KCTD20: variants seen among roughly 807,000 people sequenced by gnomAD.
KCTD20 encodes potassium channel tetramerization domain containing 20, also known as BTB/POZ domain-containing protein KCTD20.
In KCTD20, 30 loss-of-function variants were observed where a neutral mutation model predicts 39.6. The observed-to-expected ratio is 0.76, with a 90% CI of 0.57 to 1.03. The LOEUF (loss-of-function observed/expected upper bound fraction) is 1.03. Among genes scored for constraint, KCTD20 ranks in the 50% least tolerant of loss-of-function variants. KCTD20 has a pLI of 0.00. For synonymous variants in KCTD20, 162 were observed against 180.6 expected, an observed-to-expected ratio of 0.90 and a Z score of 0.83; for missense variants, 422 against 522.0, an observed-to-expected ratio of 0.81 and a Z score of 1.87.
rs980220873 is a variant in KCTD20 at position 36,487,918 on chromosome 6, G to A, written c.*743G>A. 1 of 152,166 alleles carries A rather than the reference G, an allele frequency of 6.6e-6. No homozygotes were observed. Among genetic ancestry groups the A allele is most frequent in the African/African-American group, 2.4e-5 (1 of 41,426 alleles). 9.4% of individuals were successfully genotyped at this position (152,166 alleles called of 1,614,324 possible). A position where few individuals can be genotyped will look rare whatever the true frequency, so the allele number is the denominator to read the frequency against. ...AATGAAACTCACAATGCAAGTAGAA[G>A]GACCTCTCCAAATCAGGCCAGTTGG... On this transcript the variant is annotated 3_prime_UTR_variant, in exon 8 of 8. Coordinates refer to ENST00000373731, the MANE Select transcript of KCTD20 (RefSeq NM_173562.5).
intron 1 of KCTD20, among the ~76,000 whole-genome samples, chr6:36,448,013 G>GTATATATATATATATATATATATATA (rs10645937): frequency 1.7e-4 from 22 of 128,934 alleles, no homozygotes; most frequent in African/African-American, 4.2e-4. Flanking sequence ...GTATGTGTGT[G>GTATATATATATATATATATATATATA]TGTATATATA....
chr6:36,483,263 CTTTTTTTTTT>C (rs766717414), intron 6 of KCTD20, among the ~76,000 whole-genome samples: 16 of 76,734 alleles, frequency 2.1e-4, no homozygotes, highest in Admixed American at 2.9e-4. Flanking sequence ...GTGGCTTTTT[CTTTTTTTTTT>C]TTTTTTTTTT....
intron 1 of KCTD20, among the ~76,000 whole-genome samples, chr6:36,446,207 T>C (rs1274587908): frequency 6.6e-6 from 1 of 151,944 alleles, no homozygotes; most frequent in Non-Finnish European, 1.5e-5. Flanking sequence ...TTTGTATTTT[T>C]AGTTGGGACG....
intron 1 of KCTD20, among the ~76,000 whole-genome samples, chr6:36,460,324 T>G (rs532522333): frequency 1.6e-5 from 2 of 124,872 alleles, no homozygotes; most frequent in Non-Finnish European, 3.3e-5. Context: ...TCTTTTTTTT[T>G]CCCGAGACTG....
At position 36,485,328 on chromosome 6, in the gene KCTD20, G is replaced by T. The variant is rs185539059; in HGVS notation, c.967+504G>T. 2.8e-3 allele frequency among the ~76,000 whole-genome samples: 418 copies of T among 150,850 alleles called. 3 individuals carry two copies. Among genetic ancestry groups the T allele is most frequent in the African/African-American group, 9.2e-3 (375 of 40,896 alleles). ...AAACTTCATCTCAAAAAAAAAAAAAGATTATTCCATACTTTTGAGGAATGT... is the reference window on the plus strand; with the variant it reads ...AAACTTCATCTCAAAAAAAAAAAAATATTATTCCATACTTTTGAGGAATGT... On this transcript the variant is annotated intron_variant, in intron 7 of 7. Coordinates refer to ENST00000373731, the MANE Select transcript of KCTD20 (RefSeq NM_173562.5).
chr6:36,487,133 T>C lies in KCTD20; in HGVS notation c.1218T>C (p.Asn406=). 6.2e-7 allele frequency: 1 copy of C among 1,614,062 alleles called. No individual in the cohort carries two copies. The highest frequency in any genetic ancestry group is 8.5e-7 in the Non-Finnish European group (1 of 1,179,898). Residue 406 remains asparagine, a synonymous_variant, in exon 8 of 8, where the codon AAT becomes AAC. Coordinates refer to ENST00000373731, the MANE Select transcript of KCTD20 (RefSeq NM_173562.5). The stretch of plus-strand genomic sequence containing the variant: ...AAGTGGATGAACTTGACCGGCTAAA[T>C]GCCCCACTTTCTCAGATGGCTTCTA... ...PPQVDELDRL[N]APLSQMASND... is the part of the protein sequence containing the mutation.
chr6:36,481,829 T>C, intron 6 of KCTD20, 70 bp downstream of exon 6: 1 of 1,311,794 alleles, frequency 7.6e-7, no homozygotes, highest in South Asian at 1.2e-5. Context: ...AGCTTGATCC[T>C]AGAACCAATG....
chr6:36,443,082 C>G lies in KCTD20; in HGVS notation c.-76C>G, dbSNP rs1326067463. Reference sequence around the variant, plus strand: ...GCGCCTCCCGGGCGGATTCCAGCCCCGAGCGGGACAGCGCGGCGGGGAGCG... The same window carrying G: ...GCGCCTCCCGGGCGGATTCCAGCCCGGAGCGGGACAGCGCGGCGGGGAGCG... On this transcript the variant is annotated 5_prime_UTR_variant, in exon 1 of 8. Coordinates refer to ENST00000373731, the MANE Select transcript of KCTD20 (RefSeq NM_173562.5). 2.0e-5 allele frequency: 3 copies of G among 151,914 alleles called. No individual in the cohort carries two copies. Among genetic ancestry groups the G allele is most frequent in the African/African-American group, 7.3e-5 (3 of 41,378 alleles). 9.4% of individuals were successfully genotyped at this position (151,914 alleles called of 1,614,324 possible).
chr6:36,484,354 A>G (rs928063487), intron 6 of KCTD20, among the ~76,000 whole-genome samples: 3 of 151,650 alleles, frequency 2.0e-5, no homozygotes, highest in African/African-American at 7.2e-5. Context: ...TGAAAGCTCT[A>G]TTTGTGGCAG....
rs748213464 is a variant in KCTD20, at chr6:36,470,173, G to T, written c.76G>T (p.Ala26Ser). ...EASCLVDDTL[A>S]VAQEKEANSL... Reference sequence around the variant, plus strand: ...CAGCTGCTTAGTGGATGATACTTTAGCTGTAGCCCAAGAAAAAGAAGCAAA... The same window carrying T: ...CAGCTGCTTAGTGGATGATACTTTATCTGTAGCCCAAGAAAAAGAAGCAAA... Residue 26 changes from alanine (A) to serine (S), a missense_variant, in exon 2 of 8, where the codon GCT (alanine) becomes TCT (serine). Coordinates refer to ENST00000373731, the MANE Select transcript of KCTD20 (RefSeq NM_173562.5). 2.5e-6 allele frequency: 4 copies of T among 1,614,072 alleles called. No homozygotes were observed. Among genetic ancestry groups the T allele is most frequent in the Non-Finnish European group, 2.5e-6 (3 of 1,179,972 alleles).
intron 3 of KCTD20, among the ~76,000 whole-genome samples, chr6:36,478,274 A>C (rs1471969817): frequency 6.6e-6 from 1 of 152,124 alleles, no homozygotes; most frequent in Non-Finnish European, 1.5e-5. Flanking sequence ...CCTTTGTGTT[A>C]TCTAACCATT....
chr6:36,451,320 C>T (rs1171696389), intron 1 of KCTD20: 2 of 152,138 alleles, frequency 1.3e-5, no homozygotes, highest in Non-Finnish European at 2.9e-5. Flanking sequence ...ATAACACATT[C>T]ATTTTAGAGA....
chr6:36,481,217 C>G (rs1464761006), intron 5 of KCTD20, among the ~76,000 whole-genome samples: 4 of 152,190 alleles, frequency 2.6e-5, no homozygotes. Context: ...TCCATGAAAT[C>G]AGGATCCAAA....
intron 7 of KCTD20, among the ~76,000 whole-genome samples, chr6:36,486,259 C>T (rs1776419361): frequency 6.6e-6 from 1 of 152,128 alleles, no homozygotes; most frequent in Non-Finnish European, 1.5e-5. Flanking sequence ...CTCGGTCTTT[C>T]CCTTGTCTGT....
intron 3 of KCTD20, among the ~76,000 whole-genome samples, chr6:36,475,795 G>C (rs1233275112): frequency 2.0e-5 from 3 of 151,846 alleles, no homozygotes; most frequent in African/African-American, 7.3e-5. Flanking sequence ...CATGGCACAA[G>C]AACAAAGCTA....
In KCTD20 at chr6:36,487,389, A is replaced by G. The variant is rs931088278; in HGVS notation, c.*214A>G. 1.8e-6 allele frequency: 1 copy of G among 560,964 alleles called. No individual in the cohort carries two copies. Among genetic ancestry groups the G allele is most frequent in the Non-Finnish European group, 3.1e-6 (1 of 321,400 alleles). The allele number at this position is 560,964 out of a possible 1,614,324, so 34.7% of individuals were successfully genotyped here. A position where few individuals can be genotyped will look rare whatever the true frequency, so the allele number is the denominator to read the frequency against. On this transcript the variant is annotated 3_prime_UTR_variant, in exon 8 of 8. Coordinates refer to ENST00000373731, the MANE Select transcript of KCTD20 (RefSeq NM_173562.5). ...ACTGGTAATTAGCTACCATCTTTGC[A>G]GCAGCCCTGGTAACTTGAAAAATTT...
chr6:36,464,866 A>C (rs10947607), intron 1 of KCTD20, among the ~76,000 whole-genome samples: 1 of 151,950 alleles, frequency 6.6e-6, no homozygotes, highest in African/African-American at 2.4e-5. Context: ...TGATTATGGG[A>C]TATGGGTTAA....
Position 36,485,907 on chromosome 6 carries a change from G to A in KCTD20, c.968-976G>A, listed in dbSNP as rs536695003. On this transcript the variant is annotated intron_variant, in intron 7 of 7. Transcript: ENST00000373731. ...GACTTAAGTTGAATTTAAAGTTGGA[G>A]GACTTTTTTTTTTAAGAGACAGGGT... 3.3e-5 allele frequency among the ~76,000 whole-genome samples: 5 copies of A among 151,892 alleles called. No homozygotes were observed. The South Asian group carries it at 8.3e-4, about 25-fold the overall frequency.
At chr6:36,475,757 A>C (rs80068536) in intron 3 of KCTD20, among the ~76,000 whole-genome samples, 1 of 125,340 alleles carries the variant, frequency 8.0e-6, no homozygotes, top group Non-Finnish European at 1.6e-5. Flanking sequence ...TTTAAAAAAA[A>C]AAATAACAGT....
Sources: gnomAD v4.1 joint callset for allele counts (sites outside exome capture counted in the v4.1 genomes callset) on GRCh38, gnomAD v4.1.1 for gene constraint, MANE v1.5 for transcripts, NCBI Gene and HGNC (gene_info 2026-07-23, HGNC 2026-07-21) for gene names.